FAR2: variants seen among roughly 807,000 people sequenced by gnomAD.
FAR2 encodes the protein fatty acyl-CoA reductase 2.
Under a neutral mutation model 56.0 loss-of-function variants are expected in FAR2, and 19 were observed. The observed-to-expected ratio is 0.34, with a 90% CI of 0.24 to 0.50. The LOEUF is 0.50. Ranked by LOEUF, FAR2 falls within the 20% of genes least tolerant of loss-of-function variation. The pLI, the probability that FAR2 is intolerant of heterozygous loss-of-function variation, is 0.98. For missense variants in FAR2, 508 were observed against 642.2 expected, an observed-to-expected ratio of 0.79 and a Z score of 2.26; for synonymous variants, 219 against 218.8, an observed-to-expected ratio of 1.00 and a Z score of -0.01.
At chr12:29,302,049 T>A (rs1483946270) in intron 4 of FAR2, 1 of 151,842 alleles carries the variant, frequency 6.6e-6, no homozygotes, top group Non-Finnish European at 1.5e-5. Context: ...GCTAACGCGG[T>A]GAAACCCCGT....
rs565854157 is a variant in FAR2 at position 29,254,797 on chromosome 12, C to A, written c.-38-15615C>A. Among the ~76,000 whole-genome samples the A allele has an allele frequency of 1.2e-3, 187 of 151,946 alleles. 1 individual carries two copies. The highest frequency in any genetic ancestry group is 4.5e-3 in the African/African-American group (186 of 41,380). On this transcript the variant is annotated intron_variant, in intron 1 of 11. Transcript: ENST00000536681. ...TGAAACCCCATCTCTACTAAAAATACAAAATATTAGCCTGGCATGGTGGTG... is the reference window on the plus strand; with the variant it reads ...TGAAACCCCATCTCTACTAAAAATAAAAAATATTAGCCTGGCATGGTGGTG...
chr12:29,233,313 T>A (rs969175959), intron 1 of FAR2, among the ~76,000 whole-genome samples: 7 of 152,142 alleles, frequency 4.6e-5, no homozygotes, highest in African/African-American at 1.7e-4. Context: ...TGATCTCCAA[T>A]TTTTGGATAG....
rs577945805 is a variant in FAR2, at chr12:29,155,716, G to T, written c.-39+6309G>T. 5.9e-5 allele frequency among the ~76,000 whole-genome samples: 9 copies of T among 152,198 alleles called. 1 individual carries two copies. In the South Asian group the frequency reaches 1.9e-3, roughly 32 times the overall value. On this transcript the variant is annotated intron_variant, in intron 1 of 11. Transcript: ENST00000536681. Reference sequence around the variant, plus strand: ...TATCAGAAAACAGCTTGTATCATTCGTCTAGTCATCCCTATTGGCTATGAC... The same window carrying T: ...TATCAGAAAACAGCTTGTATCATTCTTCTAGTCATCCCTATTGGCTATGAC...
chr12:29,213,517 C>T (rs1947580756), intron 1 of FAR2, among the ~76,000 whole-genome samples: 2 of 152,072 alleles, frequency 1.3e-5, no homozygotes, highest in African/African-American at 4.8e-5. Context: ...TGGTGAAACC[C>T]TGTCTCTACT....
chr12:29,252,633 GAA>G (rs1020737405), intron 1 of FAR2, among the ~76,000 whole-genome samples: 4 of 152,130 alleles, frequency 2.6e-5, no homozygotes, highest in African/African-American at 9.7e-5. Flanking sequence ...CAGATATCAC[GAA>G]AAAAAGTAAA....
At chr12:29,149,876 C>T (rs1336932217) in intron 1 of FAR2, among the ~76,000 whole-genome samples, 1 of 152,134 alleles carries the variant, frequency 6.6e-6, no homozygotes, top group East Asian at 1.9e-4. Flanking sequence ...GTCCTAGGTC[C>T]CCTCCCGGTG....
At chr12:29,182,878 T>C (rs1276386352) in intron 1 of FAR2, among the ~76,000 whole-genome samples, 1 of 152,084 alleles carries the variant, frequency 6.6e-6, no homozygotes, top group African/African-American at 2.4e-5. Context: ...CTTCCAGAGC[T>C]ATTGCTCATC....
intron 3 of FAR2, 73 bp downstream of exon 3, chr12:29,293,548 A>T: frequency 7.7e-7 from 1 of 1,304,162 alleles, no homozygotes; most frequent in South Asian, 2.4e-5. Context: ...TTTCTGTAAA[A>T]AAAAAGAAAT....
In FAR2 at chr12:29,256,789, A is replaced by G. The variant is rs886921286; in HGVS notation, c.-38-13623A>G. On this transcript the variant is annotated intron_variant, in intron 1 of 11. Transcript: ENST00000536681. ...CAATGAAGGGCTTAGCACCCAGGCC[A>G]GCTGCCGAGGAGGGTGTACTGGGTC... is the stretch of plus-strand genomic sequence containing the variant. Among the ~76,000 whole-genome samples the G allele has an allele frequency of 3.9e-5, 6 of 152,320 alleles. No homozygotes were observed. The South Asian group carries it at 1.2e-3, about 32-fold the overall frequency.
intron 1 of FAR2, among the ~76,000 whole-genome samples, chr12:29,183,344 T>G (rs1950009985): frequency 2.0e-5 from 3 of 152,162 alleles, no homozygotes; most frequent in African/African-American, 7.2e-5. Context: ...TATTATCACC[T>G]ACATATCAAT....
At chr12:29,304,558 C>T (rs1236240265) in intron 4 of FAR2, among the ~76,000 whole-genome samples, 1 of 152,174 alleles carries the variant, frequency 6.6e-6, no homozygotes, top group East Asian at 1.9e-4. Context: ...GGCTTGCCCA[C>T]TTGTTGCATA....
intron 1 of FAR2, among the ~76,000 whole-genome samples, chr12:29,229,170 G>T (rs952496423): frequency 6.6e-6 from 1 of 152,116 alleles, no homozygotes; most frequent in Non-Finnish European, 1.5e-5. Flanking sequence ...CTGAGTTATG[G>T]TCTCCTTTTA....
chr12:29,176,163 A>G, intron 1 of FAR2, among the ~76,000 whole-genome samples: 1 of 152,248 alleles, frequency 6.6e-6, no homozygotes, highest in East Asian at 1.9e-4. Context: ...TATGCTCCCC[A>G]GATTCCTCAT....
intron 2 of FAR2, chr12:29,281,334 G>C (rs1246465707): frequency 6.6e-6 from 1 of 152,200 alleles, no homozygotes; most frequent in Non-Finnish European, 1.5e-5. Flanking sequence ...TGATTAGCGA[G>C]TATTGAGAAG....
Position 29,314,676 on chromosome 12 carries a change from C to T in FAR2, c.956-2165C>T, listed in dbSNP as rs367915341. Among the ~76,000 whole-genome samples the T allele has an allele frequency of 3.3e-4, 50 of 152,170 alleles. 1 individual carries two copies. The East Asian group carries it at 9.1e-3, about 28-fold the overall frequency. ...TTTTGTCTTCCTCCAGAGCAGAATA[C>T]TCTGCACTGATCTCTAGCAGAATAC... On this transcript the variant is annotated intron_variant, in intron 8 of 11. Coordinates refer to ENST00000536681, the MANE Select transcript of FAR2 (RefSeq NM_001271783.2).
chr12:29,231,884 A>G (rs144071311), intron 1 of FAR2, among the ~76,000 whole-genome samples: 9 of 152,364 alleles, frequency 5.9e-5, no homozygotes, highest in African/African-American at 1.7e-4. Context: ...TCACTGTCAT[A>G]TAAGAGAGGT....
At chr12:29,227,147 GC>G (rs1388217930) in intron 1 of FAR2, among the ~76,000 whole-genome samples, 1 of 152,164 alleles carries the variant, frequency 6.6e-6, no homozygotes, top group Non-Finnish European at 1.5e-5. Flanking sequence ...TTTCCGCAGG[GC>G]ACCTTACGTG....
intron 1 of FAR2, chr12:29,171,344 C>A (rs1324093703): frequency 1.3e-5 from 2 of 152,336 alleles, no homozygotes; most frequent in Non-Finnish European, 2.9e-5. Flanking sequence ...GGCGAGGGGG[C>A]AGCTTGTTTC....
intron 10 of FAR2, among the ~76,000 whole-genome samples, chr12:29,324,752 C>T (rs1369919593): frequency 6.6e-6 from 1 of 152,112 alleles, no homozygotes; most frequent in Admixed American, 6.5e-5. Context: ...GAAGGAAGCA[C>T]TAAACATGGA....
Sources: gnomAD v4.1 joint callset for allele counts (sites outside exome capture counted in the v4.1 genomes callset) on GRCh38, gnomAD v4.1.1 for gene constraint, MANE v1.5 for transcripts, NCBI Gene and HGNC (gene_info 2026-07-23, HGNC 2026-07-21) for gene names.